CDH13: variants seen among roughly 807,000 people sequenced by gnomAD.
CDH13 encodes the protein cadherin 13.
In CDH13, 24 loss-of-function variants were observed where a neutral mutation model predicts 63.8. That is an observed-to-expected ratio of 0.38 (90% CI 0.27 to 0.53). The LOEUF (loss-of-function observed/expected upper bound fraction) is 0.53. Ranked by LOEUF, CDH13 falls within the 20% of genes least tolerant of loss-of-function variation. The probability of loss-of-function intolerance (pLI) is 0.85; values close to 1 mark genes in which losing one functional copy is unlikely to be tolerated. For missense variants in CDH13, 1,049 were observed against 903.1 expected, an observed-to-expected ratio of 1.16 and a Z score of -2.07; for synonymous variants, 503 against 355.3, an observed-to-expected ratio of 1.42 and a Z score of -4.67.
rs140288266 is a variant in CDH13, at chr16:83,085,931, C to T, written c.367-39454C>T. 1.2e-4 allele frequency among the ~76,000 whole-genome samples: 19 copies of T among 152,230 alleles called. No homozygotes were observed. In the East Asian group the frequency reaches 2.9e-3, roughly 23 times the overall value. On this transcript the variant is annotated intron_variant, in intron 3 of 13. Coordinates refer to ENST00000567109, the MANE Select transcript of CDH13 (RefSeq NM_001257.5). ...ATTAATTCAGAAGTGTTCTGAATGG[C>T]GTCATGAAATACTATGTTAGTGCCA...
chr16:83,677,184 G>A (rs1179149823), intron 9 of CDH13, among the ~76,000 whole-genome samples: 1 of 152,218 alleles, frequency 6.6e-6, no homozygotes, highest in African/African-American at 2.4e-5. Flanking sequence ...ACCACATCAT[G>A]TGCTCTCGTG....
chr16:83,535,135 G>T (rs2075158394), intron 7 of CDH13, among the ~76,000 whole-genome samples: 1 of 152,230 alleles, frequency 6.6e-6, no homozygotes, highest in African/African-American at 2.4e-5. Flanking sequence ...GGTTCATTAA[G>T]AGTTAACTGG....
intron 5 of CDH13, among the ~76,000 whole-genome samples, chr16:83,328,232 A>C (rs1412801859): frequency 6.6e-6 from 1 of 152,190 alleles, no homozygotes; most frequent in Non-Finnish European, 1.5e-5. Context: ...TTTATATAAG[A>C]AACAGAAGTC....
intron 2 of CDH13, among the ~76,000 whole-genome samples, chr16:82,964,617 A>T (rs575625533): frequency 6.6e-6 from 1 of 152,372 alleles, no homozygotes; most frequent in East Asian, 1.9e-4. Flanking sequence ...TAAAAGAAAG[A>T]AACCAACTTA....
At chr16:83,737,891 G>C (rs444881) in intron 10 of CDH13, among the ~76,000 whole-genome samples, 76,767 of 152,070 alleles carry the variant, frequency 0.5, 21,223 homozygotes, top group Non-Finnish European at 0.62. Context: ...ACTCAGGCAA[G>C]CTCCTAGACC....
At chr16:83,675,585 C>T (rs1204068817) in intron 9 of CDH13, among the ~76,000 whole-genome samples, 4 of 152,184 alleles carry the variant, frequency 2.6e-5, no homozygotes, top group African/African-American at 4.8e-5. Context: ...TTGATACCAA[C>T]ACCAGGCCTA....
intron 6 of CDH13, among the ~76,000 whole-genome samples, chr16:83,471,363 C>T (rs1007023721): frequency 6.6e-6 from 1 of 151,030 alleles, no homozygotes; most frequent in Admixed American, 6.6e-5. Flanking sequence ...CAACCTCCAC[C>T]CTCCGGGTTC....
chr16:82,793,040 G>GC (rs1567540752), intron 1 of CDH13, among the ~76,000 whole-genome samples: 1 of 152,248 alleles, frequency 6.6e-6, no homozygotes, highest in African/African-American at 2.4e-5. Context: ...GCAGCAGTCT[G>GC]CCCCTGATGG....
At position 83,417,002 on chromosome 16, in the gene CDH13, A is replaced by T. The variant is rs911385803; in HGVS notation, c.782-69475A>T. Among the ~76,000 whole-genome samples, 2 of 152,208 alleles carry T rather than the reference A, an allele frequency of 1.3e-5. 1 individual carries two copies. Among genetic ancestry groups the T allele is most frequent in the Middle Eastern group, 6.3e-3 (2 of 316 alleles). The stretch of plus-strand genomic sequence containing the variant: ...AAAAATAGTGTTTTTAAAATCAGTA[A>T]TATTATTGACAACCTTTTCTGAATA... On this transcript the variant is annotated intron_variant, in intron 6 of 13. Transcript: ENST00000567109.
intron 2 of CDH13, among the ~76,000 whole-genome samples, chr16:82,957,699 C>T (rs1906333328): frequency 6.6e-6 from 1 of 152,290 alleles, no homozygotes; most frequent in Middle Eastern, 3.4e-3. Context: ...TACAAATTCC[C>T]TAAGTTTTCT....
intron 11 of CDH13, among the ~76,000 whole-genome samples, chr16:83,767,061 G>T (rs1410136893): frequency 6.6e-6 from 1 of 152,120 alleles, no homozygotes; most frequent in Non-Finnish European, 1.5e-5. Flanking sequence ...CTTTATAGCA[G>T]CATGAGAATG....
At chr16:83,392,070 T>C (rs1246012660) in intron 6 of CDH13, among the ~76,000 whole-genome samples, 5 of 152,136 alleles carry the variant, frequency 3.3e-5, no homozygotes. Context: ...CCCCCGATTA[T>C]TGTGACACTC....
chr16:82,879,492 TTAAA>T (rs986420463), intron 2 of CDH13, among the ~76,000 whole-genome samples: 9 of 144,712 alleles, frequency 6.2e-5, no homozygotes, highest in African/African-American at 2.3e-4. Flanking sequence ...TATAATTTAA[TTAAA>T]TATATTTAAT....
intron 2 of CDH13, among the ~76,000 whole-genome samples, chr16:83,006,537 G>A (rs893658012): frequency 4.6e-5 from 7 of 152,160 alleles, no homozygotes; most frequent in African/African-American, 1.7e-4. Context: ...GTGCAGCCTC[G>A]ATAACACCAT....
intron 1 of CDH13, chr16:82,639,537 C>T (rs1285143774): frequency 1.1e-5 from 11 of 1,009,516 alleles, no homozygotes; most frequent in Admixed American, 4.0e-5. Flanking sequence ...AACCCTGTTG[C>T]CTAAGTCAGT....
At chr16:83,189,556 C>A (rs1354070194) in intron 4 of CDH13, among the ~76,000 whole-genome samples, 1 of 152,120 alleles carries the variant, frequency 6.6e-6, no homozygotes, top group Non-Finnish European at 1.5e-5. Flanking sequence ...TCATTGACTC[C>A]CATAGTCAGG....
intron 6 of CDH13, among the ~76,000 whole-genome samples, chr16:83,483,466 C>CT (rs11327354): frequency 5.4e-5 from 8 of 147,112 alleles, no homozygotes; most frequent in African/African-American, 2.0e-4. Context: ...CCTGAAAGGT[C>CT]TTTTTTTTTT....
intron 1 of CDH13, among the ~76,000 whole-genome samples, chr16:82,704,616 C>G (rs955193337): frequency 5.9e-5 from 9 of 152,178 alleles, no homozygotes; most frequent in African/African-American, 1.9e-4. Context: ...GCTGCAGAGG[C>G]AGGCACACCT....
chr16:82,712,701 T>C (rs2151008901), intron 1 of CDH13, among the ~76,000 whole-genome samples: 1 of 152,290 alleles, frequency 6.6e-6, no homozygotes, highest in African/African-American at 2.4e-5. Flanking sequence ...AAGCCGCAGC[T>C]GAGATGGCTG....
Sources: allele counts gnomAD v4.1 joint callset (sites outside exome capture counted in the v4.1 genomes callset), GRCh38; gene constraint gnomAD v4.1.1; transcripts MANE v1.5; gene names NCBI Gene and HGNC (gene_info 2026-07-23, HGNC 2026-07-21).